The following PTPRN variants were observed in gnomAD, a reference collection of about 807,000 sequenced individuals.
PTPRN encodes receptor-type tyrosine-protein phosphatase-like N.
PTPRN carries 70 observed loss-of-function variants against 108.5 expected under a neutral mutation model. The ratio of observed to expected loss-of-function variants is 0.65; its 90% confidence interval spans 0.53 to 0.79. PTPRN has a LOEUF of 0.79. Ranked by LOEUF, PTPRN falls within the 30% of genes least tolerant of loss-of-function variation. The pLI, the probability that PTPRN is intolerant of heterozygous loss-of-function variation, is 0.00. For missense variants in PTPRN, 1,136 were observed against 1,295.5 expected (o/e 0.88, Z 1.89); for synonymous variants, 496 against 524.6 (o/e 0.95, Z 0.75).
rs773010594 is a variant in PTPRN, at chr2:219,290,937, G to C, written c.2730-47C>G. On this transcript the variant is annotated intron_variant, in intron 20 of 22. Transcript: ENST00000295718. The surrounding 1 kb of genome is among the most constrained non-coding windows in gnomAD (Gnocchi z 4.2). ...GGTTTAGCTTGAGATGCAGCAGAAAGGGGGAGGGACGGAGGAGGCGAGGAG... is the reference window on the plus strand; with the variant it reads ...GGTTTAGCTTGAGATGCAGCAGAAACGGGGAGGGACGGAGGAGGCGAGGAG... The C allele has an allele frequency of 3.2e-6, 5 of 1,585,870 alleles. No individual in the cohort carries two copies. The highest frequency in any genetic ancestry group is 2.2e-5 in the South Asian group (2 of 90,436).
Position 219,297,207 on chromosome 2 carries a change from A to G in PTPRN, c.2088+26T>C. 6.2e-7 allele frequency: 1 copy of G among 1,610,430 alleles called. No individual in the cohort carries two copies. Among genetic ancestry groups the G allele is most frequent in the Non-Finnish European group, 8.5e-7 (1 of 1,177,628 alleles). On this transcript the variant is annotated intron_variant, in intron 14 of 22. Transcript: ENST00000295718. This position sits in a 1 kb window ranked among gnomAD's most constrained non-coding sequence, Gnocchi z 6.0. ...CTCTCACCATCCCATTCCTTCACCC[A>G]CTCTGGGCCCAGGCCCTGTCCTGAC...
rs199992775 is a variant in PTPRN at position 219,302,820 on chromosome 2, T to C, written c.395A>G (p.Lys132Arg). 1,036 of 1,612,892 alleles carry C rather than the reference T, an allele frequency of 6.4e-4. No individual in the cohort carries two copies. Among genetic ancestry groups the C allele is most frequent in the Non-Finnish European group, 8.4e-4 (990 of 1,179,612 alleles). ...CAGCTCTCCAGCAGGACCAGGTCTC[T>C]TGGGTGCCAAGCCAGACCTGTAGAG... ...RPRDRSGLAPKRPGPAGELLL... is the reference protein window; with the variant it reads ...RPRDRSGLAPRRPGPAGELLL... Residue 132 changes from lysine to arginine, a missense_variant, in exon 5 of 23, where the codon AAG becomes AGG. Transcript: ENST00000295718.
Position 219,296,990 on chromosome 2 carries a change from A to G in PTPRN, c.2231T>C (p.Leu744Pro). The G allele has an allele frequency of 1.9e-6, 3 of 1,613,780 alleles. No individual in the cohort carries two copies. The highest frequency in any genetic ancestry group is 2.5e-6 in the Non-Finnish European group (3 of 1,179,922). ...GGCCAGCAGGGTTCACTCACAGGGC[A>G]GGAAGTCAGGATGCCGGTTCTTTTT... is the stretch of plus-strand genomic sequence containing the variant. Reference protein sequence around the residue: ...NIKKNRHPDFLPYDHARIKLK... With the variant: ...NIKKNRHPDFPPYDHARIKLK... Residue 744 changes from leucine (L) to proline (P), a missense_variant, in exon 15 of 23, where the codon CTG becomes CCG. Transcript: ENST00000295718. The surrounding 1 kb of genome is among the most constrained non-coding windows in gnomAD (Gnocchi z 6.0).
rs1952283508 is a variant in PTPRN at position 219,299,379 on chromosome 2, A to G, written c.1529T>C (p.Val510Ala). 2 of 1,614,198 alleles carry G rather than the reference A, an allele frequency of 1.2e-6. No individual in the cohort carries two copies. Among genetic ancestry groups the G allele is most frequent in the Non-Finnish European group, 1.7e-6 (2 of 1,179,992 alleles). ...GATGCGGAAGGTGAGGGCTGGTCCC[A>G]CCACACTGCCAGATAGGAGCTATGT... ...SSGSFINISVVGPALTFRIRH... is the reference protein window; with the variant it reads ...SSGSFINISVAGPALTFRIRH... The change falls in exon 11 of 23, where the codon GTG becomes GCG. Residue 510 changes from valine to alanine, a missense_variant. Transcript: ENST00000295718.
At chr2:219,305,771 A>T (rs1371885577) in intron 3 of PTPRN, among the ~76,000 whole-genome samples, 2 of 152,172 alleles carry the variant, frequency 1.3e-5, no homozygotes, top group Non-Finnish European at 2.9e-5. Flanking sequence ...TCAAAGCTGA[A>T]CACCCCCACC....
chr2:219,304,388 T>G (rs1342327617), intron 3 of PTPRN, among the ~76,000 whole-genome samples: 1 of 152,140 alleles, frequency 6.6e-6, no homozygotes, highest in African/African-American at 2.4e-5. Context: ...AATCCACATG[T>G]TTTAAACATG....
At chr2:219,306,466 C>T (rs778254030) in intron 3 of PTPRN, among the ~76,000 whole-genome samples, 20 of 152,222 alleles carry the variant, frequency 1.3e-4, no homozygotes, top group Non-Finnish European at 2.2e-4. Context: ...GTCCCCCTCA[C>T]CAACTCTTGA....
At position 219,290,549 on chromosome 2, in the gene PTPRN, C is replaced by T; in HGVS notation, c.2857G>A (p.Val953Ile). The T allele has an allele frequency of 6.4e-7, 1 of 1,551,702 alleles. No individual in the cohort carries two copies. The highest frequency in any genetic ancestry group is 1.2e-5 in the South Asian group (1 of 84,058). The change falls in exon 22 of 23, where the codon GTC becomes ATC. Residue 953 changes from valine (V) to isoleucine (I), a missense_variant. By Grantham distance (29) the Val-to-Ile change is conservative. Coordinates refer to ENST00000295718, the MANE Select transcript of PTPRN (RefSeq NM_002846.4). The surrounding 1 kb of genome is among the most constrained non-coding windows in gnomAD (Gnocchi z 4.2). ...GAAGGCATGGTCACCTTAGAGCGGA[C>T]AAGGCCAGGCCGCTGGTCACGGACA... ...EHVRDQRPGL[V>I]RSKDQFEFAL...
In PTPRN at chr2:219,290,028, G is replaced by T; in HGVS notation, c.*198C>A. 1 of 601,560 alleles carries T rather than the reference G, an allele frequency of 1.7e-6. No individual in the cohort carries two copies. Among genetic ancestry groups the T allele is most frequent in the Non-Finnish European group, 3.0e-6 (1 of 332,124 alleles). The allele number at this position is 601,560 out of a possible 1,614,324, so 37.3% of individuals were successfully genotyped here. ...TGCAGCACCCCCATGGGATGCCCTG[G>T]GCTCTGGGATGCCCCAGGCTCTGGC... On this transcript the variant is annotated 3_prime_UTR_variant, in exon 23 of 23. Transcript: ENST00000295718. This position sits in a 1 kb window ranked among gnomAD's most constrained non-coding sequence, Gnocchi z 4.2.
chr2:219,305,297 C>CA (rs1952454597), intron 3 of PTPRN, among the ~76,000 whole-genome samples: 1 of 150,800 alleles, frequency 6.6e-6, no homozygotes, highest in Non-Finnish European at 1.5e-5. Context: ...GGCTGGAGTG[C>CA]AGTGGTGCGA....
In PTPRN at chr2:219,289,776, A is replaced by G; in HGVS notation, c.*450T>C. On this transcript the variant is annotated 3_prime_UTR_variant, in exon 23 of 23. Coordinates refer to ENST00000295718, the MANE Select transcript of PTPRN (RefSeq NM_002846.4). ...CTGGGCGTGAGGCCAGGGAGGGCAG[A>G]GCGCCCAAGTGTGAGTCAGAGGCAG... is the stretch of plus-strand genomic sequence containing the variant. 1 of 168,262 alleles carries G rather than the reference A, an allele frequency of 5.9e-6. No individual in the cohort carries two copies. The highest frequency in any genetic ancestry group is 1.3e-5 in the Non-Finnish European group (1 of 77,484). 10.4% of individuals were successfully genotyped at this position (168,262 alleles called of 1,614,324 possible).
chr2:219,290,851 G>A lies in PTPRN; in HGVS notation c.2769C>T (p.Asp923=). Residue 923 remains aspartate (D), a synonymous_variant, in exon 21 of 23, where the codon GAC becomes GAT. Coordinates refer to ENST00000295718, the MANE Select transcript of PTPRN (RefSeq NM_002846.4). The surrounding 1 kb of genome is among the most constrained non-coding windows in gnomAD (Gnocchi z 4.2). ...AGRTGTYILI[D]MVLNRMAKGV... is the part of the protein sequence containing the mutation. ...CTTTTGCCATGCGGTTCAGGACCAT[G>A]TCGATGAGGATGTAGGTGCCGGTCC... The A allele has an allele frequency of 6.2e-7, 1 of 1,614,178 alleles. No homozygotes were observed. Among genetic ancestry groups the A allele is most frequent in the Non-Finnish European group, 8.5e-7 (1 of 1,180,026 alleles).
Position 219,297,027 on chromosome 2 carries a change from C to T in PTPRN, c.2194G>A (p.Glu732Lys), listed in dbSNP as rs201942873. Reference protein sequence around the residue: ...EPNTCATAQGEGNIKKNRHPD... With the variant: ...EPNTCATAQGKGNIKKNRHPD... The stretch of plus-strand genomic sequence containing the variant: ...TGCCGGTTCTTTTTGATGTTGCCCT[C>T]CCCCTGCGCGGTGGCACAGGTGTTT... The change falls in exon 15 of 23, where the codon GAG becomes AAG. Residue 732 changes from glutamate (E) to lysine (K), a missense_variant. By Grantham distance (56) the Glu-to-Lys change is moderately conservative (BLOSUM62 1). Transcript: ENST00000295718. The surrounding 1 kb of genome is among the most constrained non-coding windows in gnomAD (Gnocchi z 6.0). 30 of 1,614,008 alleles carry T rather than the reference C, an allele frequency of 1.9e-5. No individual in the cohort carries two copies. In the East Asian group the frequency reaches 5.8e-4, roughly 31 times the overall value.
chr2:219,298,403 C>G (rs1292547848), intron 12 of PTPRN, among the ~76,000 whole-genome samples: 1 of 152,162 alleles, frequency 6.6e-6, no homozygotes, highest in Non-Finnish European at 1.5e-5. Flanking sequence ...ATGCAGAAGA[C>G]AAAGGTATTT....
intron 2 of PTPRN, 47 bp downstream of exon 2, chr2:219,307,745 C>G (rs766980686): frequency 6.2e-7 from 1 of 1,600,080 alleles, no homozygotes. Context: ...TTTTTTATTG[C>G]CCCTCTCCCC....
rs762990680 is a variant in PTPRN, at chr2:219,299,719, C to G, written c.1504G>C (p.Gly502Arg). The G allele has an allele frequency of 3.7e-6, 6 of 1,604,802 alleles. No individual in the cohort carries two copies. The highest frequency in any genetic ancestry group is 5.1e-6 in the Non-Finnish European group (6 of 1,172,774). The change falls in exon 10 of 23, where the codon GGC becomes CGC. Residue 502 changes from glycine (G) to arginine (R), a missense_variant. Coordinates refer to ENST00000295718, the MANE Select transcript of PTPRN (RefSeq NM_002846.4). ...CCCCACCTGATGTTGATGAAGCTGC[C>G]TGAGGACATGTGCACATGCTCAGCC... is the stretch of plus-strand genomic sequence containing the variant. ...ILAEHVHMSS[G>R]SFINISVVGP... is the part of the protein sequence containing the mutation.
chr2:219,308,098 C>T (rs1029778721), intron 1 of PTPRN: 1 of 499,094 alleles, frequency 2.0e-6, no homozygotes, highest in African/African-American at 2.0e-5. Flanking sequence ...GGGAAGAAAC[C>T]TTCCAGGTGC....
chr2:219,301,071 G>T (rs1952333022), intron 7 of PTPRN, 94 bp from the exon 8 acceptor site: 2 of 1,260,170 alleles, frequency 1.6e-6, no homozygotes, highest in South Asian at 1.2e-5. Context: ...CCTGAGCCTG[G>T]AACATTTGCT....
At chr2:219,304,635 C>T (rs1392349479) in intron 3 of PTPRN, among the ~76,000 whole-genome samples, 1 of 152,210 alleles carries the variant, frequency 6.6e-6, no homozygotes, top group Non-Finnish European at 1.5e-5. Flanking sequence ...CCAACATCCA[C>T]ACCTGCCTCC....
Sources: gnomAD v4.1 joint callset for allele counts (sites outside exome capture counted in the v4.1 genomes callset) on GRCh38, gnomAD v4.1.1 for gene constraint, Gnocchi (gnomAD v3.1) non-coding constraint, MANE v1.5 for transcripts, NCBI Gene and HGNC (gene_info 2026-07-23, HGNC 2026-07-21) for gene names.